The following ZSWIM7 variants were observed in gnomAD, a reference collection of about 807,000 sequenced individuals.
The protein encoded by ZSWIM7 is zinc finger SWIM-type containing 7, also known as zinc finger SWIM domain-containing protein 7.
ZSWIM7 carries 22 observed loss-of-function variants against 21.1 expected under a neutral mutation model. The ratio of observed to expected loss-of-function variants is 1.04; its 90% confidence interval spans 0.74 to 1.49. The LOEUF is 1.49. Ranked by LOEUF, ZSWIM7 falls within the 40% of genes most tolerant of loss-of-function variation. The probability of loss-of-function intolerance (pLI) is 0.00; values close to 1 mark genes in which losing one functional copy is unlikely to be tolerated. For synonymous variants in ZSWIM7, 67 were observed against 66.5 expected (o/e 1.01, Z -0.04); for missense variants, 193 against 168.0 (o/e 1.15, Z -0.82).
At chr17:15,996,442 T>A (rs529180607) in intron 1 of ZSWIM7, among the ~76,000 whole-genome samples, 2 of 152,194 alleles carry the variant, frequency 1.3e-5, no homozygotes, top group South Asian at 4.1e-4. Context: ...GCCCAGGAGT[T>A]CCAGAGTAGC....
At chr17:15,986,614 A>T (rs541962539) in intron 3 of ZSWIM7, among the ~76,000 whole-genome samples, 1 of 152,050 alleles carries the variant, frequency 6.6e-6, no homozygotes, top group East Asian at 1.9e-4. Context: ...CAAAAAAAAA[A>T]GTTGAACTCA....
intron 1 of ZSWIM7, among the ~76,000 whole-genome samples, chr17:15,995,953 C>T (rs1970548619): frequency 6.6e-6 from 1 of 151,622 alleles, no homozygotes; most frequent in South Asian, 2.1e-4. Context: ...AGGTCACATA[C>T]AAAAATCAGG....
In ZSWIM7 at chr17:15,982,782, G is replaced by A. The variant is rs114012562; in HGVS notation, c.202-1638C>T. Among the ~76,000 whole-genome samples, 719 of 152,166 alleles carry A rather than the reference G, an allele frequency of 4.7e-3. 5 individuals are homozygous for A. Among genetic ancestry groups the A allele is most frequent in the African/African-American group, 0.016 (684 of 41,510 alleles). On this transcript the variant is annotated intron_variant, in intron 3 of 4. Coordinates refer to ENST00000399277, the MANE Select transcript of ZSWIM7 (RefSeq NM_001042697.2). ...CCTCCCACTTCAGTCTCCTGAGGAG[G>A]TAGGAGTACTGGTGTGCGCCACCAC... is the stretch of plus-strand genomic sequence containing the variant.
chr17:15,992,294 T>G (rs1257576611), intron 2 of ZSWIM7, among the ~76,000 whole-genome samples: 1 of 152,208 alleles, frequency 6.6e-6, no homozygotes, highest in Non-Finnish European at 1.5e-5. Context: ...TTTTACTTTT[T>G]TGGTCTCTGC....
chr17:15,983,561 A>C (rs1473812231), intron 3 of ZSWIM7, among the ~76,000 whole-genome samples: 1 of 151,946 alleles, frequency 6.6e-6, no homozygotes, highest in East Asian at 1.9e-4. Context: ...TCCTAAAGAA[A>C]AAACCCACAA....
At chr17:15,978,188 A>T (rs1970303011) in intron 4 of ZSWIM7, 25 bp from the exon 5 acceptor site, 7 of 1,576,322 alleles carry the variant, frequency 4.4e-6, no homozygotes, top group Non-Finnish European at 6.1e-6. Context: ...ACACACACCT[A>T]TTAGAAACAG....
intron 1 of ZSWIM7, among the ~76,000 whole-genome samples, chr17:15,994,486 G>C (rs111391268): frequency 6.6e-6 from 1 of 152,106 alleles, no homozygotes; most frequent in Non-Finnish European, 1.5e-5. Context: ...CTTCATTAGG[G>C]GTGAAACAGG....
rs1473876903 is a variant in ZSWIM7 at position 15,977,972 on chromosome 17, A to G, written c.*75T>C. The G allele has an allele frequency of 8.3e-7, 1 of 1,201,390 alleles. No individual in the cohort carries two copies. Among genetic ancestry groups the G allele is most frequent in the East Asian group, 2.4e-5 (1 of 42,412 alleles). The allele number at this position is 1,201,390 out of a possible 1,614,324, so 74.4% of individuals were successfully genotyped here. ...TGAAGATCCATTTCACCTCTTTTCC[A>G]TGTGAATCATGACGCTTTCAATGCA... On this transcript the variant is annotated 3_prime_UTR_variant, in exon 5 of 5. Coordinates refer to ENST00000399277, the MANE Select transcript of ZSWIM7 (RefSeq NM_001042697.2).
chr17:15,993,681 A>C (rs897887268), intron 2 of ZSWIM7, 76 bp downstream of exon 2: 5 of 1,186,212 alleles, frequency 4.2e-6, no homozygotes, highest in South Asian at 2.6e-5. Flanking sequence ...TATTTTTAAA[A>C]ATCAAGAGTT....
intron 3 of ZSWIM7, 66 bp downstream of exon 3, chr17:15,987,200 C>T: frequency 7.5e-7 from 1 of 1,331,750 alleles, no homozygotes; most frequent in Non-Finnish European, 1.0e-6. Context: ...ACAGCTTCTA[C>T]AGAGATGAAG....
intron 2 of ZSWIM7, among the ~76,000 whole-genome samples, chr17:15,989,782 T>C (rs1249445546): frequency 6.6e-6 from 1 of 152,062 alleles, no homozygotes; most frequent in East Asian, 1.9e-4. Context: ...TACAGGTATA[T>C]ACCACCACAT....
In ZSWIM7 at chr17:15,998,261, C is replaced by CT. The variant is rs1312338345; in HGVS notation, c.76+1257dup. On this transcript the variant is annotated intron_variant, in intron 1 of 4. Transcript: ENST00000399277. ...AATTGTATAAGCTAACATCAGTTGG[C>CT]TTTTTTCCCATCCTTTTTGGAAACA... Among the ~76,000 whole-genome samples, 4 of 152,260 alleles carry CT rather than the reference C, an allele frequency of 2.6e-5. No individual in the cohort carries two copies. In the East Asian group the frequency reaches 7.7e-4, roughly 29 times the overall value.
intron 1 of ZSWIM7, 79 bp downstream of exon 1, chr17:15,999,440 C>T (rs1298571987): frequency 6.5e-7 from 1 of 1,547,518 alleles, no homozygotes; most frequent in African/African-American, 1.4e-5. Flanking sequence ...GACACCCCGC[C>T]TCCTGCCTCC....
In ZSWIM7 at chr17:15,981,148, C is replaced by T. The variant is rs1294151470; in HGVS notation, c.202-4G>A. On this transcript the variant is annotated splice_region_variant and splice_polypyrimidine_tract_variant and intron_variant, in intron 3 of 4. Transcript: ENST00000399277. ...TTTTACTGGAACTTCCAAGGACCTA[C>T]AAAGAAAGGATAGATGGGATCAGAC... 6.2e-7 allele frequency: 1 copy of T among 1,611,178 alleles called. No individual in the cohort carries two copies. The highest frequency in any genetic ancestry group is 8.5e-7 in the Non-Finnish European group (1 of 1,177,734).
chr17:15,998,110 ACAAAC>A (rs1391321594), intron 1 of ZSWIM7, among the ~76,000 whole-genome samples: 1 of 151,812 alleles, frequency 6.6e-6, no homozygotes, highest in Non-Finnish European at 1.5e-5. Context: ...AAAAAAAAAA[ACAAAC>A]CAACCCAAAC....
intron 1 of ZSWIM7, among the ~76,000 whole-genome samples, chr17:15,998,351 G>C (rs1037548334): frequency 6.6e-6 from 1 of 152,074 alleles, no homozygotes; most frequent in Middle Eastern, 3.2e-3. Flanking sequence ...CCTTAATTTT[G>C]ACTGAGATGA....
intron 2 of ZSWIM7, chr17:15,990,897 G>A (rs1191399720): frequency 6.6e-6 from 1 of 152,138 alleles, no homozygotes. Context: ...AGGTGTGGTG[G>A]CTCATGCCTG....
intron 2 of ZSWIM7, among the ~76,000 whole-genome samples, chr17:15,989,208 A>G (rs1272480986): frequency 1.3e-5 from 2 of 152,206 alleles, no homozygotes; most frequent in African/African-American, 4.8e-5. Flanking sequence ...TATGTGAGAA[A>G]ATTCTTATAA....
At chr17:15,988,961 G>A (rs553957517) in intron 2 of ZSWIM7, among the ~76,000 whole-genome samples, 35 of 152,206 alleles carry the variant, frequency 2.3e-4, no homozygotes, top group South Asian at 6.2e-4. Flanking sequence ...TGGAGGTTGC[G>A]GTGAGCCAAG....
Sources: allele counts gnomAD v4.1 joint callset (sites outside exome capture counted in the v4.1 genomes callset), GRCh38; gene constraint gnomAD v4.1.1; transcripts MANE v1.5; gene names NCBI Gene and HGNC (gene_info 2026-07-23, HGNC 2026-07-21).